The following PTPRD variants were observed in gnomAD, a reference collection of about 807,000 sequenced individuals.
The protein encoded by PTPRD is protein tyrosine phosphatase receptor type D, also known as receptor-type tyrosine-protein phosphatase delta.
Under a neutral mutation model 214.5 loss-of-function variants are expected in PTPRD, and 34 were observed. That is an observed-to-expected ratio of 0.16 (90% CI 0.12 to 0.21). The LOEUF (loss-of-function observed/expected upper bound fraction) is 0.21. PTPRD is among the 10% of genes least tolerant of loss of function. PTPRD has a pLI of 1.00. For synonymous variants in PTPRD, 1,128 were observed against 845.7 expected (o/e 1.33, Z -5.79); for missense variants, 2,545 against 2,398.7 (o/e 1.06, Z -1.27).
At chr9:9,208,261 G>A (rs1017684159) in intron 9 of PTPRD, among the ~76,000 whole-genome samples, 1 of 151,336 alleles carries the variant, frequency 6.6e-6, no homozygotes, top group African/African-American at 2.4e-5. Context: ...TGATCTGCCC[G>A]CCTCGGCCTC....
At chr9:8,667,557 T>C (rs929138470) in intron 12 of PTPRD, among the ~76,000 whole-genome samples, 4 of 152,152 alleles carry the variant, frequency 2.6e-5, no homozygotes, top group Non-Finnish European at 5.9e-5. Flanking sequence ...CTTCATTTCA[T>C]GCACAAACTT....
chr9:9,459,169 A>G (rs2093392780), intron 8 of PTPRD, among the ~76,000 whole-genome samples: 1 of 152,058 alleles, frequency 6.6e-6, no homozygotes, highest in Non-Finnish European at 1.5e-5. Context: ...TCATATGTCC[A>G]GTATATCACT....
intron 2 of PTPRD, among the ~76,000 whole-genome samples, chr9:10,533,350 A>T (rs903608389): frequency 9.2e-5 from 14 of 152,230 alleles, no homozygotes; most frequent in African/African-American, 3.4e-4. Flanking sequence ...TACATCACTT[A>T]TGTATTTAGC....
intron 7 of PTPRD, among the ~76,000 whole-genome samples, chr9:9,716,307 T>G (rs186935774): frequency 2.6e-5 from 4 of 151,884 alleles, no homozygotes; most frequent in Admixed American, 6.6e-5. Flanking sequence ...AGTGCTGTAA[T>G]AAACATACGT....
chr9:10,448,615 T>C (rs1255155122), intron 2 of PTPRD, among the ~76,000 whole-genome samples: 1 of 152,028 alleles, frequency 6.6e-6, no homozygotes, highest in Non-Finnish European at 1.5e-5. Flanking sequence ...TATGATTTGA[T>C]CCCTTCTTCA....
At chr9:9,836,309 T>C (rs1235104968) in intron 5 of PTPRD, among the ~76,000 whole-genome samples, 1 of 152,146 alleles carries the variant, frequency 6.6e-6, no homozygotes, top group Non-Finnish European at 1.5e-5. Flanking sequence ...TTTAATATCA[T>C]GTAGACAATA....
In PTPRD at chr9:9,115,673, G is replaced by A. The variant is rs116364290; in HGVS notation, c.-143+67631C>T. ...AACTCATTTTATAAAAAAGACACCT[G>A]CATGCCTATGTTTATCACAACACAA... On this transcript the variant is annotated intron_variant, in intron 10 of 45. Transcript: ENST00000381196. 3.9e-3 allele frequency among the ~76,000 whole-genome samples: 588 copies of A among 152,184 alleles called. 5 individuals are homozygous for A. The highest frequency in any genetic ancestry group is 0.014 in the African/African-American group (566 of 41,526).
chr9:8,351,991 T>G (rs1202581599), intron 39 of PTPRD, among the ~76,000 whole-genome samples: 2 of 151,998 alleles, frequency 1.3e-5, no homozygotes, highest in African/African-American at 2.4e-5. Context: ...TTTGGGTGTT[T>G]TATTTTTCCA....
chr9:9,419,270 A>G (rs1341832213), intron 8 of PTPRD, among the ~76,000 whole-genome samples: 1 of 7,190 alleles, frequency 1.4e-4, no homozygotes, highest in Admixed American at 1.2e-3. Context: ...AGAAAGAATA[A>G]TATATTCAGA....
chr9:8,401,517 G>T (rs569780200), intron 36 of PTPRD, among the ~76,000 whole-genome samples: 2 of 152,154 alleles, frequency 1.3e-5, no homozygotes, highest in African/African-American at 4.8e-5. Context: ...AAACCATTTT[G>T]TAATTAGGAC....
intron 7 of PTPRD, among the ~76,000 whole-genome samples, chr9:9,611,697 T>C (rs2094523508): frequency 6.6e-6 from 1 of 152,148 alleles, no homozygotes; most frequent in Non-Finnish European, 1.5e-5. Flanking sequence ...TGTATGTATA[T>C]ATATTTATAT....
At chr9:9,795,211 T>C (rs147283835) in intron 5 of PTPRD, among the ~76,000 whole-genome samples, 20 of 152,236 alleles carry the variant, frequency 1.3e-4, no homozygotes, top group Non-Finnish European at 2.6e-4. Flanking sequence ...AAAGGCCACA[T>C]GTATTTGGAG....
chr9:8,867,477 T>C (rs1240729029), intron 11 of PTPRD, among the ~76,000 whole-genome samples: 1 of 152,174 alleles, frequency 6.6e-6, no homozygotes, highest in Non-Finnish European at 1.5e-5. Context: ...AGTCCCAGGC[T>C]CTAAGAAATA....
At chr9:8,810,454 G>A (rs560288096) in intron 11 of PTPRD, among the ~76,000 whole-genome samples, 27 of 152,102 alleles carry the variant, frequency 1.8e-4, no homozygotes, top group Admixed American at 3.9e-4. Context: ...TGGATATTTT[G>A]AAGAAAGATT....
intron 8 of PTPRD, among the ~76,000 whole-genome samples, chr9:9,544,937 G>C (rs1485957877): frequency 1.3e-5 from 2 of 151,362 alleles, no homozygotes; most frequent in Non-Finnish European, 3.0e-5. Context: ...AATATGTGTG[G>C]AGGTTTAAGC....
intron 10 of PTPRD, among the ~76,000 whole-genome samples, chr9:9,020,319 C>T (rs76185929): frequency 1.3e-5 from 2 of 152,130 alleles, no homozygotes; most frequent in South Asian, 2.1e-4. Context: ...GGTACTCTTG[C>T]GATTTTTGTT....
At chr9:8,318,961 T>C (rs976072880) in intron 45 of PTPRD, among the ~76,000 whole-genome samples, 4 of 151,894 alleles carry the variant, frequency 2.6e-5, no homozygotes, top group African/African-American at 7.3e-5. Context: ...ATAAAAATGG[T>C]TGGTAATGCA....
At chr9:8,997,012 T>C (rs769249780) in intron 11 of PTPRD, among the ~76,000 whole-genome samples, 20 of 152,086 alleles carry the variant, frequency 1.3e-4, no homozygotes, top group Non-Finnish European at 2.6e-4. Flanking sequence ...TGACTAAAAA[T>C]AGGTTTAAAC....
At chr9:8,570,275 T>C (rs1054298924) in intron 14 of PTPRD, among the ~76,000 whole-genome samples, 3 of 152,182 alleles carry the variant, frequency 2.0e-5, no homozygotes, top group Non-Finnish European at 1.5e-5. Context: ...AGTAACATAC[T>C]ATTTGCCACA....
Sources: allele counts gnomAD v4.1 joint callset (sites outside exome capture counted in the v4.1 genomes callset), GRCh38; gene constraint gnomAD v4.1.1; transcripts MANE v1.5; gene names NCBI Gene and HGNC (gene_info 2026-07-23, HGNC 2026-07-21).